MRE11: variants seen among roughly 807,000 people sequenced by gnomAD.
MRE11 encodes the protein double-strand break repair protein MRE11.
In MRE11, 62 loss-of-function variants were observed where a neutral mutation model predicts 91.7. The observed-to-expected ratio is 0.68, with a 90% CI of 0.55 to 0.84. The LOEUF is 0.84. Among genes scored for constraint, MRE11 ranks in the 40% least tolerant of loss-of-function variants. The probability of loss-of-function intolerance (pLI) is 0.00; values close to 1 mark genes in which losing one functional copy is unlikely to be tolerated. For missense variants in MRE11, 796 were observed against 852.9 expected (o/e 0.93, Z 0.83); for synonymous variants, 273 against 271.4 (o/e 1.01, Z -0.06).
At chr11:94,472,971 C>T (rs1946756901) in intron 7 of MRE11, 1 of 152,050 alleles carries the variant, frequency 6.6e-6, no homozygotes, top group African/African-American at 2.4e-5. Context: ...GGAAAAGTGA[C>T]ATAGAAGTGC....
At chr11:94,440,683 T>C (rs1475639907) in intron 16 of MRE11, among the ~76,000 whole-genome samples, 1 of 152,212 alleles carries the variant, frequency 6.6e-6, no homozygotes, top group Non-Finnish European at 1.5e-5. Flanking sequence ...GCCCCAGTGG[T>C]TGAAGAGAGA....
At chr11:94,498,062 T>C, upstream of MRE11, 4 of 1,547,462 alleles carry the variant, frequency 2.6e-6, no homozygotes, top group Non-Finnish European at 3.5e-6. Flanking sequence ...TTCTTTTTTT[T>C]CTTCTCAGCT....
rs116315743 is a variant in MRE11 at position 94,474,583 on chromosome 11, T to C, written c.659+1706A>G. Among the ~76,000 whole-genome samples the C allele has an allele frequency of 5.9e-3, 905 of 152,266 alleles. 5 individuals are homozygous for C. The highest frequency in any genetic ancestry group is 0.02 in the African/African-American group (818 of 41,546). ...TAATTACTGGAAATAAGATCACCCATGGATGCTAAAATTAGCGAGTAAAAG... is the reference window on the plus strand; with the variant it reads ...TAATTACTGGAAATAAGATCACCCACGGATGCTAAAATTAGCGAGTAAAAG... On this transcript the variant is annotated intron_variant, in intron 7 of 19. Coordinates refer to ENST00000323929, the MANE Select transcript of MRE11 (RefSeq NM_005591.4).
intron 1 of MRE11, 45 bp downstream of exon 1, chr11:94,493,746 A>G (rs1947358220): frequency 6.6e-6 from 1 of 152,286 alleles, no homozygotes; most frequent in South Asian, 2.1e-4. Flanking sequence ...TTTCGGGAAG[A>G]AAGGGCAGGA....
intron 19 of MRE11, among the ~76,000 whole-genome samples, chr11:94,421,838 A>C (rs1343838414): frequency 6.6e-6 from 1 of 152,220 alleles, no homozygotes; most frequent in African/African-American, 2.4e-5. Flanking sequence ...TACTTCTATG[A>C]AGTACCTAGA....
chr11:94,430,305 A>G (rs2134793258), intron 18 of MRE11, among the ~76,000 whole-genome samples: 1 of 152,316 alleles, frequency 6.6e-6, no homozygotes, highest in Admixed American at 6.5e-5. Flanking sequence ...TTAAACACTT[A>G]GAACAGTGCC....
intron 4 of MRE11, among the ~76,000 whole-genome samples, chr11:94,484,928 T>C (rs564827713): frequency 2.6e-5 from 4 of 152,326 alleles, no homozygotes; most frequent in African/African-American, 9.6e-5. Flanking sequence ...TAAGACATGA[T>C]GGGCCAGAAG....
chr11:94,444,442 A>G (rs1397057942), intron 16 of MRE11, among the ~76,000 whole-genome samples: 1 of 152,148 alleles, frequency 6.6e-6, no homozygotes, highest in Non-Finnish European at 1.5e-5. Flanking sequence ...AGCTGAAGCC[A>G]TGGTTTTTAG....
rs2135090994 is a variant in MRE11 at position 94,479,700 on chromosome 11, G to A, written c.376C>T (p.His126Tyr). The A allele has an allele frequency of 6.2e-7, 1 of 1,612,844 alleles. No individual in the cohort carries two copies. The highest frequency in any genetic ancestry group is 8.5e-7 in the Non-Finnish European group (1 of 1,179,524). Reference sequence around the variant, plus strand: ...CCTGTGGGATCGTCATGATTGCCATGAATACTAAACACTGGAATTGAAATG... The same window carrying A: ...CCTGTGGGATCGTCATGATTGCCATAAATACTAAACACTGGAATTGAAATG... Reference protein sequence around the residue: ...LNISIPVFSIHGNHDDPTGAD... With the variant: ...LNISIPVFSIYGNHDDPTGAD... The change falls in exon 5 of 20, where the codon CAT becomes TAT. Residue 126 changes from histidine (H) to tyrosine (Y), a missense_variant. Coordinates refer to ENST00000323929, the MANE Select transcript of MRE11 (RefSeq NM_005591.4).
At chr11:94,458,498 G>T (rs1591671170) in intron 13 of MRE11, among the ~76,000 whole-genome samples, 1 of 151,910 alleles carries the variant, frequency 6.6e-6, no homozygotes, top group Non-Finnish European at 1.5e-5. Context: ...AACATTTATT[G>T]TATCAAAACA....
intron 13 of MRE11, among the ~76,000 whole-genome samples, chr11:94,457,112 G>GCTCT (rs1475686623): frequency 6.6e-6 from 1 of 152,156 alleles, no homozygotes; most frequent in Non-Finnish European, 1.5e-5. Flanking sequence ...AGCAATTAGA[G>GCTCT]GAATCAACAA....
chr11:94,491,572 T>C (rs1947284093), intron 2 of MRE11, among the ~76,000 whole-genome samples: 1 of 152,224 alleles, frequency 6.6e-6, no homozygotes, highest in South Asian at 2.1e-4. Flanking sequence ...AATTTAATTG[T>C]ATGAAATACT....
At chr11:94,439,731 T>C (rs889804665) in intron 16 of MRE11, among the ~76,000 whole-genome samples, 3 of 152,200 alleles carry the variant, frequency 2.0e-5, no homozygotes, top group African/African-American at 7.2e-5. Context: ...AATAACGCAA[T>C]GAGGTGGACG....
At chr11:94,497,799 C>T (rs1042134481), upstream of MRE11, 9 of 359,228 alleles carry the variant, frequency 2.5e-5, no homozygotes. Context: ...ATGCAATAAA[C>T]CTTAGTTGGA....
chr11:94,492,139 T>C (rs538163181), intron 2 of MRE11, among the ~76,000 whole-genome samples: 11 of 147,108 alleles, frequency 7.5e-5, no homozygotes, highest in East Asian at 2.0e-4. Flanking sequence ...CCCACATAAC[T>C]TTTTTTTTTT....
rs1945640277 is a variant in MRE11, at chr11:94,437,159, T to C, written c.1926+18A>G. On this transcript the variant is annotated intron_variant, in intron 17 of 19. Transcript: ENST00000323929. ...AACATAAATTATTAATACACAACCA[T>C]AAAACTTTTTTTCTTACCTCTGAAT... The C allele has an allele frequency of 6.2e-7, 1 of 1,604,068 alleles. No individual in the cohort carries two copies. The highest frequency in any genetic ancestry group is 8.5e-7 in the Non-Finnish European group (1 of 1,172,328).
At chr11:94,429,791 T>C in intron 19 of MRE11, 120 bp downstream of exon 19, 1 of 860,022 alleles carries the variant, frequency 1.2e-6, no homozygotes, top group Non-Finnish European at 1.8e-6. Context: ...ATGTACTCCC[T>C]GAACATAAAA....
intron 15 of MRE11, 88 bp from the exon 16 acceptor site, chr11:94,445,981 C>A: frequency 1.0e-6 from 1 of 969,442 alleles, no homozygotes; most frequent in Non-Finnish European, 1.7e-6. Flanking sequence ...GCTAAATAAA[C>A]TTATGTCAAA....
intron 10 of MRE11, 43 bp downstream of exon 10, chr11:94,467,770 C>T (rs747137243): frequency 4.0e-6 from 6 of 1,485,976 alleles, no homozygotes; most frequent in South Asian, 1.1e-5. Context: ...CATTACTATG[C>T]TTTGAAAATT....
Sources: gnomAD v4.1 joint callset for allele counts (sites outside exome capture counted in the v4.1 genomes callset) on GRCh38, gnomAD v4.1.1 for gene constraint, MANE v1.5 for transcripts, NCBI Gene and HGNC (gene_info 2026-07-23, HGNC 2026-07-21) for gene names.